Variants in DPYD observed in about 807,000 individuals in gnomAD.
DPYD encodes the protein dihydropyrimidine dehydrogenase [NADP(+)].
A neutral mutation model predicts 116.2 loss-of-function variants in DPYD; 109 were observed. The ratio of observed to expected loss-of-function variants is 0.94; its 90% CI spans 0.80 to 1.10. DPYD has a LOEUF of 1.10. Among genes scored for constraint, DPYD ranks in the 50% least tolerant of loss-of-function variants. The pLI is 0.00. For synonymous variants in DPYD, 440 were observed against 432.0 expected, an observed-to-expected ratio of 1.02 and a Z score of -0.23; for missense variants, 1,302 against 1,254.5, an observed-to-expected ratio of 1.04 and a Z score of -0.57.
At chr1:97,421,289 T>TTTATGTATTGTA (rs1674565491) in intron 14 of DPYD, among the ~76,000 whole-genome samples, 1 of 152,162 alleles carries the variant, frequency 6.6e-6, no homozygotes, top group African/African-American at 2.4e-5. Flanking sequence ...ATGTTAAATC[T>TTTATGTATTGTA]TCATGTATTG....
chr1:97,348,266 G>T (rs147527963), intron 16 of DPYD, among the ~76,000 whole-genome samples: 89 of 152,138 alleles, frequency 5.8e-4, no homozygotes, highest in Non-Finnish European at 1.1e-3. Flanking sequence ...TTCATGTTCT[G>T]AATAATTCAA....
At chr1:97,102,013 A>G (rs1650726964) in intron 20 of DPYD, among the ~76,000 whole-genome samples, 1 of 152,050 alleles carries the variant, frequency 6.6e-6, no homozygotes, top group Non-Finnish European at 1.5e-5. Context: ...GCCGATAGAA[A>G]AGTGACAACA....
intron 2 of DPYD, among the ~76,000 whole-genome samples, chr1:97,881,647 TAAC>T (rs1237993874): frequency 2.0e-5 from 3 of 151,918 alleles, no homozygotes; most frequent in East Asian, 1.9e-4. Flanking sequence ...TTCCATAAAA[TAAC>T]AACAACAGCA....
intron 12 of DPYD, among the ~76,000 whole-genome samples, chr1:97,521,722 T>C (rs1648684027): frequency 6.6e-6 from 1 of 152,016 alleles, no homozygotes; most frequent in African/African-American, 2.4e-5. Flanking sequence ...CATAGACCAA[T>C]GGAACAGAAC....
At chr1:97,756,779 T>C (rs1017889204) in intron 3 of DPYD, among the ~76,000 whole-genome samples, 1 of 152,178 alleles carries the variant, frequency 6.6e-6, no homozygotes, top group South Asian at 2.1e-4. Context: ...CAGTACAGTA[T>C]TGACTTTAGT....
At chr1:97,811,158 G>A (rs575415775) in intron 3 of DPYD, among the ~76,000 whole-genome samples, 3 of 152,138 alleles carry the variant, frequency 2.0e-5, no homozygotes, top group Admixed American at 6.5e-5. Flanking sequence ...AGACTCCCCT[G>A]TCAAATCTTC....
At chr1:97,642,632 C>CA (rs761684850) in intron 8 of DPYD, among the ~76,000 whole-genome samples, 106 of 147,990 alleles carry the variant, frequency 7.2e-4, no homozygotes, top group Non-Finnish European at 1.4e-3. Context: ...ATCGCAAGAA[C>CA]AAAAAACCAA....
intron 3 of DPYD, among the ~76,000 whole-genome samples, chr1:97,820,425 A>T (rs1668862304): frequency 6.6e-6 from 1 of 152,186 alleles, no homozygotes; most frequent in South Asian, 2.1e-4. Context: ...AAAGTCCTTG[A>T]GTTGAAGGTA....
chr1:97,523,255 C>T (rs1036586964), intron 12 of DPYD, among the ~76,000 whole-genome samples: 1 of 152,164 alleles, frequency 6.6e-6, no homozygotes, highest in African/African-American at 2.4e-5. Flanking sequence ...GCAACCTTTC[C>T]TTTTTAGAAG....
intron 20 of DPYD, among the ~76,000 whole-genome samples, chr1:97,141,208 C>G (rs7552825): frequency 3.3e-5 from 5 of 151,900 alleles, no homozygotes; most frequent in Non-Finnish European, 7.4e-5. Flanking sequence ...TATGCCAGAC[C>G]GAACTGGGAA....
At chr1:97,678,990 A>G (rs1660294576) in intron 8 of DPYD, 105 bp downstream of exon 8, 4 of 522,072 alleles carry the variant, frequency 7.7e-6, no homozygotes, top group Non-Finnish European at 1.3e-5. Context: ...CTGAACAAAT[A>G]TAACTTTCAT....
chr1:97,566,446 C>G (rs761440938), intron 11 of DPYD, among the ~76,000 whole-genome samples: 1 of 151,900 alleles, frequency 6.6e-6, no homozygotes, highest in Admixed American at 6.6e-5. Flanking sequence ...TGTATTATAC[C>G]GGACTGATTA....
chr1:97,168,979 T>C (rs1172974368), intron 20 of DPYD, among the ~76,000 whole-genome samples: 3 of 152,034 alleles, frequency 2.0e-5, no homozygotes, highest in Non-Finnish European at 2.9e-5. Flanking sequence ...CTTGGGTAGC[T>C]GGGATTACAG....
chr1:97,536,775 C>T (rs1381499046), intron 12 of DPYD, among the ~76,000 whole-genome samples: 1 of 152,192 alleles, frequency 6.6e-6, no homozygotes, highest in Non-Finnish European at 1.5e-5. Flanking sequence ...TGCCTCTTGG[C>T]TACCCATTCA....
intron 14 of DPYD, among the ~76,000 whole-genome samples, chr1:97,399,960 C>T (rs1040028623): frequency 1.3e-5 from 2 of 152,152 alleles, no homozygotes; most frequent in African/African-American, 4.8e-5. Context: ...TGCCTAATTG[C>T]CCTGGCCAGA....
At chr1:97,836,675 G>C (rs1162946423) in intron 2 of DPYD, among the ~76,000 whole-genome samples, 1 of 151,780 alleles carries the variant, frequency 6.6e-6, no homozygotes, top group Non-Finnish European at 1.5e-5. Context: ...CAATGGAGTG[G>C]GTCAGTTCAA....
rs72977721 is a variant in DPYD at position 97,713,794 on chromosome 1, G to A, written c.483+7716C>T. On this transcript the variant is annotated intron_variant, in intron 5 of 22. Coordinates refer to ENST00000370192, the MANE Select transcript of DPYD (RefSeq NM_000110.4). ...TAATTCACCTTTGTGTTTGAGGGTT[G>A]GGTATTGGTTAAAGACATTCACAAA... is the stretch of plus-strand genomic sequence containing the variant. 5.0e-3 allele frequency among the ~76,000 whole-genome samples: 758 copies of A among 152,124 alleles called. 6 individuals are homozygous for A. The highest frequency in any genetic ancestry group is 0.017 in the African/African-American group (719 of 41,518).
intron 8 of DPYD, among the ~76,000 whole-genome samples, chr1:97,644,020 C>T (rs369752243): frequency 3.9e-5 from 6 of 151,904 alleles, no homozygotes; most frequent in Non-Finnish European, 8.8e-5. Flanking sequence ...CACCATGGCA[C>T]GTGTGTACCT....
At chr1:97,305,145 G>A in intron 18 of DPYD, 114 bp downstream of exon 18, 2 of 1,460,186 alleles carry the variant, frequency 1.4e-6, no homozygotes, top group East Asian at 4.6e-5. Flanking sequence ...ATATTGATCA[G>A]CTATGAGTTA....
Sources: gnomAD v4.1 joint callset for allele counts (sites outside exome capture counted in the v4.1 genomes callset) on GRCh38, gnomAD v4.1.1 for gene constraint, MANE v1.5 for transcripts, NCBI Gene and HGNC (gene_info 2026-07-23, HGNC 2026-07-21) for gene names.